Variants in GRIA4 observed in about 807,000 individuals in gnomAD.
GRIA4 encodes glutamate ionotropic receptor AMPA type subunit 4.
In GRIA4, 34 loss-of-function variants were observed where a neutral mutation model predicts 104.0. The ratio of observed to expected loss-of-function variants is 0.33; its 90% CI spans 0.25 to 0.44. The LOEUF (loss-of-function observed/expected upper bound fraction) is 0.44. GRIA4 is among the 20% of genes least tolerant of loss of function. GRIA4 has a pLI of 1.00. For missense variants in GRIA4, 750 were observed against 1,096.5 expected (o/e 0.68, Z 4.46); for synonymous variants, 386 against 381.9 (o/e 1.01, Z -0.13).
At chr11:105,665,437 T>C (rs1340451107) in intron 3 of GRIA4, among the ~76,000 whole-genome samples, 3 of 151,968 alleles carry the variant, frequency 2.0e-5, no homozygotes, top group East Asian at 1.9e-4. Context: ...GTCTGCTTTC[T>C]ATCCCAGGTT....
intron 14 of GRIA4, among the ~76,000 whole-genome samples, chr11:105,958,561 G>T (rs1948650527): frequency 6.6e-6 from 1 of 152,104 alleles, no homozygotes; most frequent in Admixed American, 6.5e-5. Context: ...CAGGGATATT[G>T]GTCTAAAATT....
At chr11:105,881,888 AC>A (rs79630436) in intron 5 of GRIA4, among the ~76,000 whole-genome samples, 27,536 of 151,722 alleles carry the variant, frequency 0.18, 2,770 homozygotes, top group South Asian at 0.25. Flanking sequence ...TATTTTTCCC[AC>A]CCCATTTTAC....
At chr11:105,911,855 G>C (rs777734825) in intron 10 of GRIA4, 5 of 1,444,224 alleles carry the variant, frequency 3.5e-6, no homozygotes, top group Non-Finnish European at 2.8e-6. Flanking sequence ...TCATACTTCA[G>C]TACAGTCCTC....
intron 3 of GRIA4, among the ~76,000 whole-genome samples, chr11:105,692,810 T>C (rs1399191316): frequency 3.3e-5 from 5 of 152,224 alleles, no homozygotes; most frequent in Non-Finnish European, 7.3e-5. Context: ...TAACTTAATA[T>C]AGATTACTAC....
At chr11:105,649,781 TG>T (rs930393560) in intron 3 of GRIA4, among the ~76,000 whole-genome samples, 5 of 152,198 alleles carry the variant, frequency 3.3e-5, no homozygotes, top group South Asian at 2.1e-4. Flanking sequence ...ACCTTTGATC[TG>T]TAAATTAATG....
chr11:105,695,669 T>G (rs920013140), intron 3 of GRIA4, among the ~76,000 whole-genome samples: 15 of 152,308 alleles, frequency 9.8e-5, no homozygotes, highest in Admixed American at 7.8e-4. Context: ...AGCATAGCCT[T>G]GAAGTCCTTT....
intron 14 of GRIA4, among the ~76,000 whole-genome samples, chr11:105,955,275 C>A (rs1948557481): frequency 6.6e-6 from 1 of 152,028 alleles, no homozygotes; most frequent in South Asian, 2.1e-4. Flanking sequence ...TCCCCTCACC[C>A]CCAACCCTCC....
chr11:105,971,500 C>T (rs1421662114), intron 14 of GRIA4, among the ~76,000 whole-genome samples: 1 of 152,100 alleles, frequency 6.6e-6, no homozygotes, highest in Non-Finnish European at 1.5e-5. Context: ...ATAATGCATG[C>T]AAGCAATGAA....
intron 4 of GRIA4, among the ~76,000 whole-genome samples, chr11:105,811,475 C>A (rs185328440): frequency 6.6e-6 from 1 of 152,222 alleles, no homozygotes; most frequent in Admixed American, 6.5e-5. Context: ...AGGTCCCATC[C>A]TGTCAGTGAA....
At chr11:105,687,586 T>C (rs978781581) in intron 3 of GRIA4, among the ~76,000 whole-genome samples, 3 of 152,202 alleles carry the variant, frequency 2.0e-5, no homozygotes, top group South Asian at 2.1e-4. Context: ...TAGTTAGCAA[T>C]TGAAGAACTA....
chr11:105,788,493 G>T (rs1329411460), intron 4 of GRIA4, among the ~76,000 whole-genome samples: 1 of 152,130 alleles, frequency 6.6e-6, no homozygotes, highest in East Asian at 1.9e-4. Flanking sequence ...ATCAACCAAA[G>T]TGTCCATTAA....
intron 5 of GRIA4, among the ~76,000 whole-genome samples, chr11:105,871,415 G>A (rs1005846857): frequency 2.0e-5 from 3 of 151,290 alleles, no homozygotes; most frequent in Non-Finnish European, 4.4e-5. Context: ...ACAGCAAATA[G>A]GTCAATCTAG....
chr11:105,822,370 G>A (rs563087729), intron 4 of GRIA4, among the ~76,000 whole-genome samples: 1 of 151,988 alleles, frequency 6.6e-6, no homozygotes, highest in East Asian at 1.9e-4. Flanking sequence ...TATGAGGGGG[G>A]AAAAATGAGA....
intron 3 of GRIA4, among the ~76,000 whole-genome samples, chr11:105,731,097 A>G (rs1470710471): frequency 1.3e-5 from 2 of 152,218 alleles, no homozygotes; most frequent in Admixed American, 1.3e-4. Context: ...GAAAACCTAC[A>G]GAATGGGAGA....
chr11:105,683,085 A>T (rs1428215776), intron 3 of GRIA4, among the ~76,000 whole-genome samples: 1 of 152,176 alleles, frequency 6.6e-6, no homozygotes, highest in African/African-American at 2.4e-5. Flanking sequence ...TAAAAAATAA[A>T]TTTGCTAAAC....
In GRIA4 at chr11:105,700,401, A is replaced by G. The variant is rs985396711; in HGVS notation, c.248-52580A>G. Among the ~76,000 whole-genome samples, 39 of 152,172 alleles carry G rather than the reference A, an allele frequency of 2.6e-4. 1 individual carries two copies. The highest frequency in any genetic ancestry group is 1.5e-4 in the Non-Finnish European group (10 of 68,024). On this transcript the variant is annotated intron_variant, in intron 3 of 16. Transcript: ENST00000282499. Reference sequence around the variant, plus strand: ...GATGCCAGACACATATTGCTAAACCAGAGTAGATCATCCCTATTAGTAGTT... The same window carrying G: ...GATGCCAGACACATATTGCTAAACCGGAGTAGATCATCCCTATTAGTAGTT...
At chr11:105,783,929 T>G (rs1941843886) in intron 4 of GRIA4, among the ~76,000 whole-genome samples, 1 of 152,134 alleles carries the variant, frequency 6.6e-6, no homozygotes, top group Admixed American at 6.6e-5. Flanking sequence ...ATGAATCACT[T>G]GAGTATAGAT....
intron 4 of GRIA4, among the ~76,000 whole-genome samples, chr11:105,785,632 T>C (rs959038636): frequency 1.3e-5 from 2 of 152,198 alleles, no homozygotes; most frequent in African/African-American, 4.8e-5. Flanking sequence ...AATCAAGTGA[T>C]GTTTATATCT....
chr11:105,769,171 C>T (rs1253185654), intron 4 of GRIA4, among the ~76,000 whole-genome samples: 1 of 152,056 alleles, frequency 6.6e-6, no homozygotes, highest in African/African-American at 2.4e-5. Flanking sequence ...CAGTGACTGG[C>T]ATATAATAGG....
Sources: gnomAD v4.1 joint callset for allele counts (sites outside exome capture counted in the v4.1 genomes callset) on GRCh38, gnomAD v4.1.1 for gene constraint, MANE v1.5 for transcripts, NCBI Gene and HGNC (gene_info 2026-07-23, HGNC 2026-07-21) for gene names.